Variants in CRY1 observed in about 807,000 individuals in gnomAD.
CRY1 encodes the protein cryptochrome-1.
CRY1 carries 45 observed loss-of-function variants against 76.0 expected under a neutral mutation model. The observed-to-expected ratio is 0.59, with a 90% CI of 0.47 to 0.76. CRY1 has a LOEUF of 0.76. Among genes scored for constraint, CRY1 ranks in the 30% least tolerant of loss-of-function variants. The probability of loss-of-function intolerance (pLI) is 0.00; values close to 1 mark genes in which losing one functional copy is unlikely to be tolerated. For synonymous variants in CRY1, 248 were observed against 244.0 expected, an observed-to-expected ratio of 1.02 and a Z score of -0.15; for missense variants, 587 against 716.4, an observed-to-expected ratio of 0.82 and a Z score of 2.06.
At chr12:107,073,535 T>A (rs1490933753) in intron 1 of CRY1, among the ~76,000 whole-genome samples, 2 of 152,184 alleles carry the variant, frequency 1.3e-5, no homozygotes, top group Non-Finnish European at 2.9e-5. Flanking sequence ...AAGACAAGCC[T>A]GGCCAACATG....
intron 1 of CRY1, 65 bp from the exon 2 acceptor site, chr12:107,022,257 C>T: frequency 1.0e-6 from 1 of 976,942 alleles, no homozygotes; most frequent in East Asian, 3.0e-5. Flanking sequence ...TAAATTATTA[C>T]AAAGTCATGT....
intron 1 of CRY1, among the ~76,000 whole-genome samples, chr12:107,025,386 T>A (rs1952596161): frequency 6.6e-6 from 1 of 152,194 alleles, no homozygotes; most frequent in African/African-American, 2.4e-5. Context: ...AGATGTCCTA[T>A]AATTTAACAA....
intron 1 of CRY1, 74 bp from the exon 2 acceptor site, chr12:107,022,266 G>T: frequency 1.1e-6 from 1 of 923,792 alleles, no homozygotes; most frequent in Non-Finnish European, 1.6e-6. Context: ...ACAAAGTCAT[G>T]TTATTCTAAA....
At chr12:107,004,898 G>A (rs1405107169) in intron 3 of CRY1, among the ~76,000 whole-genome samples, 1 of 152,098 alleles carries the variant, frequency 6.6e-6, no homozygotes, top group African/African-American at 2.4e-5. Flanking sequence ...TGGGTCAATA[G>A]CAGCTAAATA....
chr12:107,016,198 T>C (rs1952496990), intron 2 of CRY1, among the ~76,000 whole-genome samples: 1 of 152,108 alleles, frequency 6.6e-6, no homozygotes, highest in African/African-American at 2.4e-5. Flanking sequence ...TAGTCCCAGC[T>C]ACTCAGTAGG....
At chr12:107,052,814 G>A (rs1485073090) in intron 1 of CRY1, among the ~76,000 whole-genome samples, 4 of 152,200 alleles carry the variant, frequency 2.6e-5, no homozygotes, top group Admixed American at 2.6e-4. Flanking sequence ...TGAAAGAGTG[G>A]CAAGAGATTA....
At chr12:107,031,027 T>C (rs968471241) in intron 1 of CRY1, among the ~76,000 whole-genome samples, 5 of 152,112 alleles carry the variant, frequency 3.3e-5, no homozygotes, top group African/African-American at 1.2e-4. Flanking sequence ...TATATTCAAA[T>C]CAATGTCAAA....
At chr12:106,992,697 A>T in intron 12 of CRY1, 90 bp downstream of exon 12, 2 of 1,188,760 alleles carry the variant, frequency 1.7e-6, no homozygotes, top group Non-Finnish European at 2.4e-6. Context: ...CTGGTTTGAA[A>T]ATAGAGATTT....
chr12:107,061,887 C>G (rs976771465), intron 1 of CRY1, among the ~76,000 whole-genome samples: 7 of 151,804 alleles, frequency 4.6e-5, no homozygotes, highest in African/African-American at 1.7e-4. Context: ...ATTATCTACT[C>G]AGGCACAGTG....
At chr12:107,031,295 C>A (rs979919004) in intron 1 of CRY1, among the ~76,000 whole-genome samples, 1 of 151,994 alleles carries the variant, frequency 6.6e-6, no homozygotes, top group Non-Finnish European at 1.5e-5. Context: ...CAAGACCCAC[C>A]CAAAGTAAGG....
chr12:107,014,219 G>A (rs1460018845), intron 2 of CRY1, among the ~76,000 whole-genome samples: 1 of 152,176 alleles, frequency 6.6e-6, no homozygotes, highest in African/African-American at 2.4e-5. Flanking sequence ...AAACTTCCTG[G>A]TAGGTATGGG....
In CRY1 at chr12:106,998,057, C is replaced by G. The variant is rs942973000; in HGVS notation, c.1147G>C (p.Glu383Gln). The G allele has an allele frequency of 6.2e-7, 1 of 1,613,818 alleles. No individual in the cohort carries two copies. Among genetic ancestry groups the G allele is most frequent in the Non-Finnish European group, 8.5e-7 (1 of 1,179,950 alleles). ...SWEEGMKVFEELLLDADWSIN... is the reference protein window; with the variant it reads ...SWEEGMKVFEQLLLDADWSIN... ...CTCCAATCTGCATCAAGCAATAATT[C>G]TTCAAATACCTTCAGAAGTAACAGT... Residue 383 changes from glutamate (E) to glutamine (Q), a missense_variant, in exon 8 of 13, where the codon GAA becomes CAA. Coordinates refer to ENST00000008527, the MANE Select transcript of CRY1 (RefSeq NM_004075.5).
chr12:107,088,483 G>A (rs1953429916), intron 1 of CRY1, among the ~76,000 whole-genome samples: 2 of 151,210 alleles, frequency 1.3e-5, no homozygotes, highest in African/African-American at 4.9e-5. Context: ...AACACAAACA[G>A]ACTAAGGGAG....
chr12:107,003,036 C>T (rs1406480123), intron 3 of CRY1, among the ~76,000 whole-genome samples: 1 of 152,116 alleles, frequency 6.6e-6, no homozygotes, highest in Non-Finnish European at 1.5e-5. Flanking sequence ...CAGACTAAAA[C>T]AATTACCCTA....
chr12:107,010,279 T>A (rs566213224), intron 2 of CRY1, among the ~76,000 whole-genome samples: 69 of 152,306 alleles, frequency 4.5e-4, no homozygotes, highest in Non-Finnish European at 8.1e-4. Flanking sequence ...TTTGTCCGAA[T>A]CAGTATTAAG....
At chr12:107,074,977 T>C (rs1419011998) in intron 1 of CRY1, among the ~76,000 whole-genome samples, 2 of 151,908 alleles carry the variant, frequency 1.3e-5, no homozygotes, top group African/African-American at 2.4e-5. Context: ...ATCGTGCCAC[T>C]GCACTCTAGC....
intron 1 of CRY1, among the ~76,000 whole-genome samples, chr12:107,075,410 T>A (rs1361614829): frequency 6.6e-6 from 1 of 152,180 alleles, no homozygotes; most frequent in Non-Finnish European, 1.5e-5. Flanking sequence ...TCTAATTAAC[T>A]ATCTGTAGAT....
chr12:107,079,019 A>C (rs1953291116), intron 1 of CRY1, among the ~76,000 whole-genome samples: 1 of 152,052 alleles, frequency 6.6e-6, no homozygotes, highest in Non-Finnish European at 1.5e-5. Flanking sequence ...TCTAACATTC[A>C]CTCAGCTGCT....
At chr12:107,026,664 C>T (rs1952619702) in intron 1 of CRY1, among the ~76,000 whole-genome samples, 2 of 151,874 alleles carry the variant, frequency 1.3e-5, no homozygotes, top group South Asian at 4.1e-4. Flanking sequence ...TCTTGTGTAA[C>T]TGTTGAAAGG....
Sources: allele counts gnomAD v4.1 joint callset (sites outside exome capture counted in the v4.1 genomes callset), GRCh38; gene constraint gnomAD v4.1.1; transcripts MANE v1.5; gene names NCBI Gene and HGNC (gene_info 2026-07-23, HGNC 2026-07-21).